Variants in SOX5 observed in about 807,000 individuals in gnomAD.
SOX5 encodes the protein transcription factor SOX-5.
SOX5 carries 9 observed loss-of-function variants against 92.0 expected under a neutral mutation model. The ratio of observed to expected loss-of-function variants is 0.10; its 90% CI spans 0.06 to 0.17. SOX5 has a LOEUF of 0.17. Among genes scored for constraint, SOX5 ranks in the 10% least tolerant of loss-of-function variants. The probability of loss-of-function intolerance (pLI) is 1.00; values close to 1 mark genes in which losing one functional copy is unlikely to be tolerated. For missense variants in SOX5, 642 were observed against 944.5 expected, an observed-to-expected ratio of 0.68 and a Z score of 4.20; for synonymous variants, 344 against 336.3, an observed-to-expected ratio of 1.02 and a Z score of -0.25.
intron 4 of SOX5, among the ~76,000 whole-genome samples, chr12:24,146,072 T>C (rs1382294851): frequency 1.3e-5 from 2 of 152,164 alleles, no homozygotes; most frequent in Non-Finnish European, 2.9e-5. Context: ...TGCTCAATAA[T>C]TGATAGAATA....
chr12:24,331,560 A>C (rs1284261536), intron 2 of SOX5, among the ~76,000 whole-genome samples: 1 of 152,180 alleles, frequency 6.6e-6, no homozygotes, highest in Non-Finnish European at 1.5e-5. Flanking sequence ...CAAGAAATTT[A>C]AAATACAGGC....
chr12:24,241,867 C>T (rs1377716553), intron 3 of SOX5, among the ~76,000 whole-genome samples: 1 of 152,074 alleles, frequency 6.6e-6, no homozygotes, highest in East Asian at 1.9e-4. Context: ...AAATTTGTGA[C>T]TGTAATTAAA....
At chr12:24,447,040 T>A (rs986230729) in intron 1 of SOX5, among the ~76,000 whole-genome samples, 7 of 152,166 alleles carry the variant, frequency 4.6e-5, no homozygotes, top group African/African-American at 1.7e-4. Context: ...ATTGAATTGA[T>A]CATAACTGGG....
chr12:24,218,444 G>A (rs1229802022), intron 3 of SOX5, among the ~76,000 whole-genome samples: 1 of 152,164 alleles, frequency 6.6e-6, no homozygotes, highest in African/African-American at 2.4e-5. Flanking sequence ...TAGAGACAGA[G>A]AGCAGATCAA....
At position 23,765,385 on chromosome 12, in the gene SOX5, C is replaced by CAAAAAAAAAA. The variant is rs373571301; in HGVS notation, c.482-9671_482-9662dup. 9.5e-5 allele frequency among the ~76,000 whole-genome samples: 3 copies of CAAAAAAAAAA among 31,430 alleles called. 1 individual carries two copies. Among genetic ancestry groups the CAAAAAAAAAA allele is most frequent in the African/African-American group, 4.4e-4 (3 of 6,804 alleles). The allele number at this position is 31,430 out of a possible 152,430, so 20.6% of individuals were successfully genotyped here. A position where few individuals can be genotyped will look rare whatever the true frequency, so the allele number is the denominator to read the frequency against. On this transcript the variant is annotated intron_variant, in intron 3 of 14. Coordinates refer to ENST00000451604, the MANE Select transcript of SOX5 (RefSeq NM_006940.6). ...CTGTGAAGTCAAAAGTGTAAAACAG[C>CAAAAAAAAAA]AAAAAAAAAAAAAAAAAAAAAAAAA...
At chr12:23,960,518 TATATATATATAC>T (rs1946789267) in intron 4 of SOX5, among the ~76,000 whole-genome samples, 4 of 78,738 alleles carry the variant, frequency 5.1e-5, no homozygotes, top group Admixed American at 2.0e-4. Flanking sequence ...TATATACATA[TATATATATATAC>T]ATATATATAT....
At chr12:23,987,563 T>C (rs1950172042) in intron 4 of SOX5, among the ~76,000 whole-genome samples, 1 of 152,102 alleles carries the variant, frequency 6.6e-6, no homozygotes, top group South Asian at 2.1e-4. Context: ...GAAGCCAAGG[T>C]GGGCGGATAG....
At chr12:23,556,354 T>C (rs912927780) in intron 11 of SOX5, among the ~76,000 whole-genome samples, 1 of 152,194 alleles carries the variant, frequency 6.6e-6, no homozygotes, top group South Asian at 2.1e-4. Flanking sequence ...GTTTTGTGTA[T>C]CTTTTAATTA....
chr12:24,431,928 C>G lies in SOX5; in HGVS notation c.-250-63289G>C, dbSNP rs151195296. Among the ~76,000 whole-genome samples the G allele has an allele frequency of 1.9e-3, 287 of 152,194 alleles. 2 individuals are homozygous for G. The highest frequency in any genetic ancestry group is 6.7e-3 in the African/African-American group (280 of 41,530). On this transcript the variant is annotated intron_variant, in intron 1 of 4. Transcript: ENST00000446891. ...ACAGTACACAAGCTGAGAAAGGAAA[C>G]AGAAGAAGCATTTTAGGGAGTTTTC...
intron 3 of SOX5, among the ~76,000 whole-genome samples, chr12:23,829,277 G>A (rs2096278099): frequency 6.6e-6 from 1 of 152,112 alleles, no homozygotes; most frequent in Non-Finnish European, 1.5e-5. Context: ...TGCCTCAAGG[G>A]TAACTGAGTG....
chr12:23,560,580 T>C (rs76076776), intron 11 of SOX5, among the ~76,000 whole-genome samples: 2 of 152,312 alleles, frequency 1.3e-5, no homozygotes, highest in East Asian at 3.9e-4. Context: ...ATGTAATGAG[T>C]AGCAGTCAGA....
chr12:24,559,638 G>A (rs907579017), intron 1 of SOX5, among the ~76,000 whole-genome samples: 8 of 151,538 alleles, frequency 5.3e-5, no homozygotes, highest in Non-Finnish European at 8.8e-5. Context: ...CCTTTAACTG[G>A]AAAAGGTAAA....
intron 1 of SOX5, among the ~76,000 whole-genome samples, chr12:24,372,081 T>G (rs1437379640): frequency 2.0e-5 from 3 of 152,166 alleles, no homozygotes; most frequent in African/African-American, 7.2e-5. Context: ...GTAAATTCCT[T>G]CCAACTTTTC....
chr12:23,980,642 T>C (rs1949486098), intron 4 of SOX5, among the ~76,000 whole-genome samples: 1 of 152,184 alleles, frequency 6.6e-6, no homozygotes, highest in African/African-American at 2.4e-5. Context: ...CCATTTGGCA[T>C]TTCAGACAGA....
chr12:24,036,147 A>C (rs1053164952), intron 4 of SOX5, among the ~76,000 whole-genome samples: 3 of 152,142 alleles, frequency 2.0e-5, no homozygotes, highest in Non-Finnish European at 4.4e-5. Context: ...ACAATAAGTT[A>C]GTTAGCAACA....
chr12:23,915,294 T>C (rs2097401147), intron 1 of SOX5, among the ~76,000 whole-genome samples: 1 of 152,162 alleles, frequency 6.6e-6, no homozygotes, highest in South Asian at 2.1e-4. Flanking sequence ...CACTTAGCTC[T>C]AAACCATAGT....
chr12:24,226,978 G>A (rs776617662), intron 3 of SOX5, among the ~76,000 whole-genome samples: 27 of 152,190 alleles, frequency 1.8e-4, no homozygotes, highest in Non-Finnish European at 2.9e-4. Flanking sequence ...AGGCAGGCAG[G>A]TGTATTTAGC....
At chr12:24,345,896 C>A (rs1177554279) in intron 2 of SOX5, among the ~76,000 whole-genome samples, 1 of 152,166 alleles carries the variant, frequency 6.6e-6, no homozygotes, top group African/African-American at 2.4e-5. Context: ...AGCAGCTGCA[C>A]ACTTATTCTG....
intron 14 of SOX5, among the ~76,000 whole-genome samples, chr12:23,535,211 TA>T (rs1203768917): frequency 6.6e-6 from 1 of 152,212 alleles, no homozygotes; most frequent in Non-Finnish European, 1.5e-5. Flanking sequence ...TCCCTAGAAT[TA>T]AATCTAAAGA....
Sources: gnomAD v4.1 joint callset for allele counts (sites outside exome capture counted in the v4.1 genomes callset) on GRCh38, gnomAD v4.1.1 for gene constraint, MANE v1.5 for transcripts, NCBI Gene and HGNC (gene_info 2026-07-23, HGNC 2026-07-21) for gene names.